Variants in PTMA observed in about 807,000 individuals in gnomAD.
PTMA encodes the protein gene sequence 28.
In PTMA, 4 loss-of-function variants were observed where a neutral mutation model predicts 16.9. The ratio of observed to expected loss-of-function variants is 0.24; its 90% CI spans 0.12 to 0.54. The LOEUF is 0.54. Ranked by LOEUF, PTMA falls within the 20% of genes least tolerant of loss-of-function variation. The pLI is 0.95. For synonymous variants in PTMA, 58 were observed against 47.9 expected, an observed-to-expected ratio of 1.21 and a Z score of -0.87; for missense variants, 120 against 137.7, an observed-to-expected ratio of 0.87 and a Z score of 0.64.
In PTMA at chr2:231,713,151, A is replaced by G; in HGVS notation, c.*300A>G. On this transcript the variant is annotated 3_prime_UTR_variant, in exon 5 of 5. Coordinates refer to ENST00000409115, the MANE Select transcript of PTMA (RefSeq NM_002823.5). ...ATTTACATTTTATATTTTTGTACAT[A>G]TTGTTAGGGTCAGCCATTTTTAATG... 2.3e-6 allele frequency: 1 copy of G among 439,078 alleles called. No individual in the cohort carries two copies. Among genetic ancestry groups the G allele is most frequent in the Admixed American group, 3.7e-5 (1 of 27,234 alleles). The allele number at this position is 439,078 out of a possible 1,614,324, so 27.2% of individuals were successfully genotyped here.
chr2:231,711,994 T>C lies in PTMA; in HGVS notation c.211+11T>C, dbSNP rs1055313546. ...AAGAAGAAGGTGATGGTGAGTAGCC[T>C]TGTCTATCTTCCCCTTTTCAGGTAC... On this transcript the variant is annotated intron_variant, in intron 3 of 4. Coordinates refer to ENST00000409115, the MANE Select transcript of PTMA (RefSeq NM_002823.5). 6.4e-7 allele frequency: 1 copy of C among 1,558,554 alleles called. No individual in the cohort carries two copies. Among genetic ancestry groups the C allele is most frequent in the Non-Finnish European group, 8.7e-7 (1 of 1,150,754 alleles).
Position 231,712,805 on chromosome 2 carries a change from A to T in PTMA, c.287A>T (p.Asp96Val). The T allele has an allele frequency of 6.3e-7, 1 of 1,594,682 alleles. No individual in the cohort carries two copies. The highest frequency in any genetic ancestry group is 8.5e-7 in the Non-Finnish European group (1 of 1,170,706). ...CTTTGACAGTCTTTCTCTGCTTAGG[A>T]TGACGATGTCGATACCAAGAAGCAG... ...TGKRAAEDDEDDDVDTKKQKT... is the reference protein window; with the variant it reads ...TGKRAAEDDEVDDVDTKKQKT... The change falls in exon 5 of 5, where the codon GAT becomes GTT. Residue 96 changes from aspartate to valine, a missense_variant and splice_region_variant. By Grantham distance (152) the Asp-to-Val change is radical (BLOSUM62 -3). Coordinates refer to ENST00000409115, the MANE Select transcript of PTMA (RefSeq NM_002823.5).
At chr2:231,711,189 TG>T in intron 1 of PTMA, 158 bp from the exon 2 acceptor site, 1 of 611,040 alleles carries the variant, frequency 1.6e-6, no homozygotes, top group Non-Finnish European at 2.9e-6. Context: ...ACCAGACCAG[TG>T]GGAGAGGGAC....
intron 1 of PTMA, chr2:231,710,983 A>C (rs536981327): frequency 4.3e-6 from 1 of 231,954 alleles, no homozygotes; most frequent in Non-Finnish European, 8.6e-6. Context: ...GGCTCTTTGC[A>C]CTTGGAAGCA....
chr2:231,712,748 G>T, intron 4 of PTMA, 56 bp from the exon 5 acceptor site: 1 of 1,552,698 alleles, frequency 6.4e-7, no homozygotes, highest in South Asian at 1.2e-5. Flanking sequence ...CTGAGGCAGT[G>T]GGCTGGATAG....
At chr2:231,711,868 T>C in intron 2 of PTMA, 22 bp from the exon 3 acceptor site, 2 of 1,611,714 alleles carry the variant, frequency 1.2e-6, no homozygotes, top group Non-Finnish European at 1.7e-6. Context: ...GGTAATGACA[T>C]GGCCTGTTTT....
At chr2:231,708,776 C>T (rs545054194) in intron 1 of PTMA, 25 bp downstream of exon 1, 3 of 1,598,758 alleles carry the variant, frequency 1.9e-6, no homozygotes, top group East Asian at 2.2e-5. Flanking sequence ...CGCCCGCCCC[C>T]TCGGGGTCCG....
In PTMA at chr2:231,708,639, A is replaced by T. The variant is rs1008517562; in HGVS notation, c.-68A>T. On this transcript the variant is annotated 5_prime_UTR_variant, in exon 1 of 5. Transcript: ENST00000409115. ...CGCCGCCGCGGACTCCGGCAGCTTT[A>T]TCGCCAGAGTCCCTGAACTCTCGCT... The T allele has an allele frequency of 1.9e-6, 3 of 1,586,140 alleles. No individual in the cohort carries two copies. Among genetic ancestry groups the T allele is most frequent in the Non-Finnish European group, 2.6e-6 (3 of 1,169,574 alleles).
At chr2:231,710,653 C>T (rs761294806) in intron 1 of PTMA, 1 of 442,830 alleles carries the variant, frequency 2.3e-6, no homozygotes, top group South Asian at 1.6e-5. Context: ...CCTTTTGGAT[C>T]CCGGGCGGAG....
intron 2 of PTMA, 76 bp downstream of exon 2, chr2:231,711,495 C>CTA (rs2048518107): frequency 4.5e-6 from 6 of 1,345,912 alleles, no homozygotes; most frequent in South Asian, 2.4e-5. Context: ...TTAAACATAC[C>CTA]TATATATGTG....
chr2:231,709,451 C>T (rs893399044), intron 1 of PTMA, among the ~76,000 whole-genome samples: 4 of 152,264 alleles, frequency 2.6e-5, no homozygotes, highest in East Asian at 3.9e-4. Flanking sequence ...CCCGCGGTGC[C>T]GGGCTTGGCT....
At chr2:231,710,976 T>C (rs1017134889) in intron 1 of PTMA, among the ~76,000 whole-genome samples, 4 of 152,204 alleles carry the variant, frequency 2.6e-5, no homozygotes, top group Non-Finnish European at 5.9e-5. Flanking sequence ...AGGGGCGGGC[T>C]CTTTGCACTT....
At chr2:231,710,483 AGCGGAGCGGG>A (rs2048503591) in intron 1 of PTMA, 3 of 1,046,778 alleles carry the variant, frequency 2.9e-6, no homozygotes, top group Non-Finnish European at 3.7e-6. Flanking sequence ...GGGTCCGCGG[AGCGGAGCGGG>A]GCGGGCCGGA....
In PTMA at chr2:231,708,656, A is replaced by G. The variant is rs780018132; in HGVS notation, c.-51A>G. 1 of 1,596,774 alleles carries G rather than the reference A, an allele frequency of 6.3e-7. No homozygotes were observed. Among genetic ancestry groups the G allele is most frequent in the Non-Finnish European group, 8.5e-7 (1 of 1,177,808 alleles). On this transcript the variant is annotated 5_prime_UTR_variant, in exon 1 of 5. Coordinates refer to ENST00000409115, the MANE Select transcript of PTMA (RefSeq NM_002823.5). ...GCAGCTTTATCGCCAGAGTCCCTGA[A>G]CTCTCGCTTTCTTTTTAATCCCCTG...
chr2:231,711,666 T>C, intron 2 of PTMA: 2 of 854,550 alleles, frequency 2.3e-6, no homozygotes, highest in Non-Finnish European at 3.5e-6. Flanking sequence ...GAGTTTGGGC[T>C]TGGCCCAGGG....
intron 1 of PTMA, 67 bp from the exon 2 acceptor site, chr2:231,711,281 G>A (rs2048514956): frequency 2.2e-6 from 3 of 1,346,180 alleles, no homozygotes; most frequent in Non-Finnish European, 3.2e-6. Context: ...GTAGTTCTCA[G>A]CGCCTTTGCT....
intron 1 of PTMA, among the ~76,000 whole-genome samples, chr2:231,709,536 C>T (rs1245172298): frequency 1.3e-5 from 2 of 152,138 alleles, no homozygotes; most frequent in African/African-American, 4.8e-5. Flanking sequence ...GATGGGCGCC[C>T]CCCGCGGCTG....
In PTMA at chr2:231,712,907, C is replaced by G; in HGVS notation, c.*56C>G. 6.7e-7 allele frequency: 1 copy of G among 1,492,832 alleles called. No individual in the cohort carries two copies. The highest frequency in any genetic ancestry group is 9.0e-7 in the Non-Finnish European group (1 of 1,108,600). 92.5% of individuals were successfully genotyped at this position (1,492,832 alleles called of 1,614,324 possible). A position where few individuals can be genotyped will look rare whatever the true frequency, so the allele number is the denominator to read the frequency against. On this transcript the variant is annotated 3_prime_UTR_variant, in exon 5 of 5. Coordinates refer to ENST00000409115, the MANE Select transcript of PTMA (RefSeq NM_002823.5). ...AAAAAAGGCCGCCGTGACCTATTCA[C>G]CCTCCACTTCCCGTCTCAGAATCTA... is the stretch of plus-strand genomic sequence containing the variant.
chr2:231,712,426 C>A lies in PTMA; in HGVS notation c.212-17C>A, dbSNP rs1183866341. ...TAGGAGGGAAGTGTGGTTTACCTGG[C>A]CTTTGATTCTCTCCAGGTGAGGAAG... On this transcript the variant is annotated splice_polypyrimidine_tract_variant and intron_variant, in intron 3 of 4. Coordinates refer to ENST00000409115, the MANE Select transcript of PTMA (RefSeq NM_002823.5). 3.1e-6 allele frequency: 5 copies of A among 1,611,870 alleles called. No homozygotes were observed. Among genetic ancestry groups the A allele is most frequent in the Non-Finnish European group, 8.5e-7 (1 of 1,178,258 alleles).
Sources: allele counts gnomAD v4.1 joint callset (sites outside exome capture counted in the v4.1 genomes callset), GRCh38; gene constraint gnomAD v4.1.1; transcripts MANE v1.5; gene names NCBI Gene and HGNC (gene_info 2026-07-23, HGNC 2026-07-21).